EDIL3: variants seen among roughly 807,000 people sequenced by gnomAD.
The protein encoded by EDIL3 is EGF-like repeat and discoidin I-like domain-containing protein 3.
In EDIL3, 37 loss-of-function variants were observed where a neutral mutation model predicts 67.4. The ratio of observed to expected loss-of-function variants is 0.55; its 90% CI spans 0.42 to 0.72. EDIL3 has a LOEUF of 0.72. EDIL3 is among the 30% of genes least tolerant of loss of function. The pLI is 0.00. For missense variants in EDIL3, 527 were observed against 586.3 expected (o/e 0.90, Z 1.04); for synonymous variants, 195 against 196.3 (o/e 0.99, Z 0.05).
intron 9 of EDIL3, among the ~76,000 whole-genome samples, chr5:83,996,701 A>C (rs1315217447): frequency 6.6e-6 from 1 of 152,204 alleles, no homozygotes; most frequent in Non-Finnish European, 1.5e-5. Flanking sequence ...ATGTGGGGGA[A>C]TATTCCACAG....
chr5:84,020,553 T>G (rs1365385810), intron 9 of EDIL3, among the ~76,000 whole-genome samples: 1 of 151,960 alleles, frequency 6.6e-6, no homozygotes, highest in East Asian at 1.9e-4. Flanking sequence ...GAATAATTTT[T>G]ACTAGATTAA....
chr5:84,244,184 C>T (rs1426202020), intron 2 of EDIL3, among the ~76,000 whole-genome samples: 1 of 152,150 alleles, frequency 6.6e-6, no homozygotes, highest in Non-Finnish European at 1.5e-5. Flanking sequence ...GATTCTAGCA[C>T]ATAGGAGATA....
intron 5 of EDIL3, among the ~76,000 whole-genome samples, chr5:84,127,041 G>A (rs1747880987): frequency 6.6e-6 from 1 of 152,024 alleles, no homozygotes; most frequent in African/African-American, 2.4e-5. Context: ...AAAATATAAA[G>A]CAAATTTTCT....
intron 2 of EDIL3, among the ~76,000 whole-genome samples, chr5:84,246,833 T>C (rs1744918522): frequency 1.3e-5 from 2 of 152,286 alleles, no homozygotes; most frequent in Admixed American, 1.3e-4. Context: ...AAAGCAGAAA[T>C]ATTTTTACAT....
chr5:84,066,363 A>G (rs1360677384), intron 7 of EDIL3, 88 bp downstream of exon 7: 1 of 1,365,594 alleles, frequency 7.3e-7, no homozygotes, highest in East Asian at 2.7e-5. Flanking sequence ...CATCAACATA[A>G]GTCTTCTCCT....
rs1362065095 is a variant in EDIL3 at position 84,270,323 on chromosome 5, C to T, written c.68-16111G>A. On this transcript the variant is annotated intron_variant, in intron 1 of 10. Transcript: ENST00000296591. ...AATGTTAAATGTTTCCTTAATGTAG[C>T]GAATACTAAACGTGGGATCTTCAGG... 3.9e-5 allele frequency among the ~76,000 whole-genome samples: 6 copies of T among 152,020 alleles called. No homozygotes were observed. The East Asian group carries it at 5.8e-4, about 15-fold the overall frequency.
intron 2 of EDIL3, among the ~76,000 whole-genome samples, chr5:84,246,642 A>T (rs1050237715): frequency 1.3e-5 from 2 of 152,226 alleles, no homozygotes. Context: ...GTCTTTTCTT[A>T]CAAATAAAAG....
chr5:84,051,299 A>G (rs554958744), intron 9 of EDIL3, among the ~76,000 whole-genome samples: 1 of 152,334 alleles, frequency 6.6e-6, no homozygotes, highest in East Asian at 1.9e-4. Context: ...CATCCACACC[A>G]AAACCCCATA....
intron 6 of EDIL3, among the ~76,000 whole-genome samples, chr5:84,070,885 T>A (rs1746729220): frequency 6.6e-6 from 1 of 152,190 alleles, no homozygotes. Flanking sequence ...TGGGGTTTAT[T>A]GAGGGTAACT....
intron 1 of EDIL3, among the ~76,000 whole-genome samples, chr5:84,263,869 G>A (rs911786358): frequency 2.6e-5 from 4 of 152,126 alleles, no homozygotes; most frequent in South Asian, 2.1e-4. Context: ...AATGAGCCTC[G>A]GAGTACATAT....
chr5:84,014,198 C>T (rs1341407538), intron 9 of EDIL3, among the ~76,000 whole-genome samples: 2 of 152,068 alleles, frequency 1.3e-5, no homozygotes. Context: ...AGTCACATAC[C>T]GCTGATTCTG....
intron 9 of EDIL3, among the ~76,000 whole-genome samples, chr5:83,984,951 CCACA>C (rs6149090): frequency 0.03 from 4,474 of 149,478 alleles, 172 homozygotes; most frequent in African/African-American, 0.089. Context: ...CAAACATACA[CCACA>C]CACACACACA....
chr5:84,089,897 T>C (rs1490947835), intron 6 of EDIL3, among the ~76,000 whole-genome samples: 1 of 152,182 alleles, frequency 6.6e-6, no homozygotes, highest in Admixed American at 6.5e-5. Context: ...ATGCTAAATA[T>C]GCTAAACCAT....
chr5:84,180,988 T>C (rs1749003036), intron 3 of EDIL3: 1 of 152,252 alleles, frequency 6.6e-6, no homozygotes. Flanking sequence ...AACTCCACAA[T>C]TTTTGTCCCC....
At chr5:84,282,820 G>T (rs914147293) in intron 1 of EDIL3, among the ~76,000 whole-genome samples, 2 of 151,912 alleles carry the variant, frequency 1.3e-5, no homozygotes, top group African/African-American at 4.8e-5. Flanking sequence ...TCTGATTTCT[G>T]TTCAGCTTTC....
chr5:84,124,488 T>C (rs1039943225), intron 5 of EDIL3, among the ~76,000 whole-genome samples: 1 of 151,902 alleles, frequency 6.6e-6, no homozygotes, highest in African/African-American at 2.4e-5. Context: ...TGTCAACAGT[T>C]TTCCAAGTGA....
intron 1 of EDIL3, among the ~76,000 whole-genome samples, chr5:84,356,167 C>T (rs1747476516): frequency 6.6e-6 from 1 of 152,000 alleles, no homozygotes; most frequent in South Asian, 2.1e-4. Context: ...TAAAAAACAG[C>T]AAAAGAAACA....
intron 1 of EDIL3, among the ~76,000 whole-genome samples, chr5:84,307,576 TG>T (rs1036137944): frequency 1.3e-5 from 2 of 152,200 alleles, no homozygotes; most frequent in African/African-American, 4.8e-5. Flanking sequence ...CGCCAGCAAC[TG>T]TAGGCTGCAT....
At chr5:84,346,671 C>T (rs1259478562) in intron 1 of EDIL3, among the ~76,000 whole-genome samples, 1 of 152,096 alleles carries the variant, frequency 6.6e-6, no homozygotes, top group Non-Finnish European at 1.5e-5. Flanking sequence ...TTGGAGTTAA[C>T]TCAGGGATGA....
Sources: allele counts gnomAD v4.1 joint callset (sites outside exome capture counted in the v4.1 genomes callset), GRCh38; gene constraint gnomAD v4.1.1; transcripts MANE v1.5; gene names NCBI Gene and HGNC (gene_info 2026-07-23, HGNC 2026-07-21).